TOR1AIP1: variants seen among roughly 807,000 people sequenced by gnomAD.
The protein encoded by TOR1AIP1 is torsin-1A-interacting protein 1.
In TOR1AIP1, 54 loss-of-function variants were observed where a neutral mutation model predicts 63.3. The ratio of observed to expected loss-of-function variants is 0.85; its 90% CI spans 0.69 to 1.07. The LOEUF (loss-of-function observed/expected upper bound fraction) is 1.07, where lower values mean the gene tolerates loss of function less well. Ranked by LOEUF, TOR1AIP1 falls within the 50% of genes least tolerant of loss-of-function variation. The probability of loss-of-function intolerance (pLI) is 0.00; values close to 1 mark genes in which losing one functional copy is unlikely to be tolerated. For missense variants in TOR1AIP1, 736 were observed against 715.0 expected, an observed-to-expected ratio of 1.03 and a Z score of -0.33; for synonymous variants, 294 against 273.5, an observed-to-expected ratio of 1.07 and a Z score of -0.74.
rs1168539389 is a variant in TOR1AIP1 at position 179,884,679 on chromosome 1, G to A, written c.476-13G>A. The A allele has an allele frequency of 1.3e-6, 2 of 1,598,778 alleles. No individual in the cohort carries two copies. The highest frequency in any genetic ancestry group is 1.3e-5 in the African/African-American group (1 of 74,076). On this transcript the variant is annotated splice_polypyrimidine_tract_variant and intron_variant, in intron 1 of 9. Transcript: ENST00000606911. Reference sequence around the variant, plus strand: ...TATTCTGAATTTTAACTCTTGTTATGTCTGTTTTTTAGAGGATGAAGCATC... The same window carrying A: ...TATTCTGAATTTTAACTCTTGTTATATCTGTTTTTTAGAGGATGAAGCATC...
At chr1:179,899,438 A>G (rs570544941) in intron 3 of TOR1AIP1, among the ~76,000 whole-genome samples, 37 of 152,312 alleles carry the variant, frequency 2.4e-4, no homozygotes, top group African/African-American at 6.5e-4. Context: ...GGATACACCA[A>G]TGCTCGAAAG....
rs114100213 is a variant in TOR1AIP1, at chr1:179,913,783, A to G, written c.908-215A>G. Among the ~76,000 whole-genome samples the G allele has an allele frequency of 6.5e-3, 989 of 152,326 alleles. 12 individuals are homozygous for G. Among genetic ancestry groups the G allele is most frequent in the African/African-American group, 0.022 (932 of 41,576 alleles). ...TGTGTGCTTTGTACTAGACCCCACC[A>G]TATGCTGTGAAAAGCTATGAAAGAA... On this transcript the variant is annotated intron_variant, in intron 8 of 9. Coordinates refer to ENST00000606911, the MANE Select transcript of TOR1AIP1 (RefSeq NM_015602.4).
At chr1:179,917,345 C>T (rs1649052456) in intron 9 of TOR1AIP1, 107 bp from the exon 10 acceptor site, 4 of 925,464 alleles carry the variant, frequency 4.3e-6, no homozygotes, top group Non-Finnish European at 1.6e-6. Context: ...AAAGTCCTTC[C>T]TCTTTTACCT....
chr1:179,908,970 C>T (rs1300023979), intron 8 of TOR1AIP1, among the ~76,000 whole-genome samples: 2 of 152,064 alleles, frequency 1.3e-5, no homozygotes, highest in African/African-American at 4.8e-5. Flanking sequence ...TCGAGACCAT[C>T]CTGGCTAACA....
intron 3 of TOR1AIP1, among the ~76,000 whole-genome samples, chr1:179,897,011 G>A (rs1218131107): frequency 6.6e-6 from 1 of 152,116 alleles, no homozygotes; most frequent in East Asian, 1.9e-4. Flanking sequence ...CTAATTCATA[G>A]ATATTATTGG....
At chr1:179,911,215 G>A (rs1483342994) in intron 8 of TOR1AIP1, among the ~76,000 whole-genome samples, 2 of 152,232 alleles carry the variant, frequency 1.3e-5, no homozygotes, top group Admixed American at 6.5e-5. Context: ...TTCAATGGAA[G>A]TGGAAGACTA....
At position 179,907,061 on chromosome 1, in the gene TOR1AIP1, G is replaced by A. The variant is rs1244555101; in HGVS notation, c.797-762G>A. On this transcript the variant is annotated intron_variant, in intron 6 of 9. Coordinates refer to ENST00000606911, the MANE Select transcript of TOR1AIP1 (RefSeq NM_015602.4). Reference sequence around the variant, plus strand: ...TGATTTTCCCTTATTTATAAAATACGAACAGTAATAGCATCTACCACATAA... The same window carrying A: ...TGATTTTCCCTTATTTATAAAATACAAACAGTAATAGCATCTACCACATAA... 2.6e-5 allele frequency among the ~76,000 whole-genome samples: 4 copies of A among 151,490 alleles called. No individual in the cohort carries two copies. In the East Asian group the frequency reaches 7.9e-4, roughly 30 times the overall value.
intron 5 of TOR1AIP1, among the ~76,000 whole-genome samples, chr1:179,902,756 A>G (rs1648507972): frequency 6.6e-6 from 1 of 151,814 alleles, no homozygotes. Flanking sequence ...TGTCATCTGG[A>G]TTGTTGTGGG....
At chr1:179,895,903 AG>A (rs1331472479) in intron 3 of TOR1AIP1, among the ~76,000 whole-genome samples, 1 of 151,892 alleles carries the variant, frequency 6.6e-6, no homozygotes, top group Admixed American at 6.6e-5. Flanking sequence ...TGGGTGACAG[AG>A]TGAGACTCTG....
In TOR1AIP1 at chr1:179,882,436, C is replaced by A. The variant is rs1320173911; in HGVS notation, c.-67C>A. ...CAACACCCCCGAGAAGCCATCGCCA[C>A]CACCGGCAGGAGAACCTAGGGTCCA... On this transcript the variant is annotated 5_prime_UTR_variant, in exon 1 of 10. Coordinates refer to ENST00000606911, the MANE Select transcript of TOR1AIP1 (RefSeq NM_015602.4). 8 of 1,352,180 alleles carry A rather than the reference C, an allele frequency of 5.9e-6. No homozygotes were observed. Among genetic ancestry groups the A allele is most frequent in the African/African-American group, 1.5e-5 (1 of 66,454 alleles). The allele number at this position is 1,352,180 out of a possible 1,614,324, so 83.8% of individuals were successfully genotyped here. A position where few individuals can be genotyped will look rare whatever the true frequency, so the allele number is the denominator to read the frequency against.
rs368563369 is a variant in TOR1AIP1, at chr1:179,917,868, G to T, written c.1381G>T (p.Val461Leu). 6.9e-5 allele frequency: 111 copies of T among 1,614,092 alleles called. No individual in the cohort carries two copies. Among genetic ancestry groups the T allele is most frequent in the Admixed American group, 1.8e-4 (11 of 60,002 alleles). ...TQDSDTVKLE[V>L]DQELSNGFKN... ...AGACAGTGATACTGTCAAACTAGAG[G>T]TAGACCAAGAACTGAGCAATGGATT... Residue 461 changes from valine to leucine, a missense_variant, in exon 10 of 10, where the codon GTA becomes TTA. Physicochemically the swap from Val to Leu is conservative, Grantham distance 32. Coordinates refer to ENST00000606911, the MANE Select transcript of TOR1AIP1 (RefSeq NM_015602.4).
rs187678198 is a variant in TOR1AIP1, at chr1:179,913,845, G to A, written c.908-153G>A. Among the ~76,000 whole-genome samples the A allele has an allele frequency of 1.4e-4, 21 of 152,202 alleles. No individual in the cohort carries two copies. In the East Asian group the frequency reaches 2.9e-3, roughly 21 times the overall value. ...GTTTCAAGGAGCTCTCAGTCTAATC[G>A]GCACTCAGATATTCTACTTTTTCTT... On this transcript the variant is annotated intron_variant, in intron 8 of 9. Coordinates refer to ENST00000606911, the MANE Select transcript of TOR1AIP1 (RefSeq NM_015602.4).
In TOR1AIP1 at chr1:179,907,833, C is replaced by T; in HGVS notation, c.807C>T (p.Phe269=). ...SFWQSSQSQN[F]TAHDKQPSVL... ...TGTTTTCTGTTTCAGGTCAAAACTT[C>T]ACAGCTCATGATAAGCAACCTTCAG... The change falls in exon 7 of 10, where the codon TTC becomes TTT. Residue 269 remains phenylalanine (F), a synonymous_variant. Coordinates refer to ENST00000606911, the MANE Select transcript of TOR1AIP1 (RefSeq NM_015602.4). 2 of 1,585,678 alleles carry T rather than the reference C, an allele frequency of 1.3e-6. No homozygotes were observed. Among genetic ancestry groups the T allele is most frequent in the South Asian group, 1.1e-5 (1 of 87,486 alleles).
intron 3 of TOR1AIP1, among the ~76,000 whole-genome samples, chr1:179,894,831 G>A (rs146762893): frequency 1.1e-3 from 160 of 152,286 alleles, no homozygotes; most frequent in African/African-American, 3.8e-3. Flanking sequence ...TTCTTGAGTG[G>A]CCTTTGCTCC....
chr1:179,912,664 A>G (rs1194592173), intron 8 of TOR1AIP1, among the ~76,000 whole-genome samples: 1 of 152,152 alleles, frequency 6.6e-6, no homozygotes, highest in African/African-American at 2.4e-5. Flanking sequence ...TTTTAGTTGT[A>G]ACTTCGATAA....
chr1:179,905,866 T>A (rs1201767168), intron 6 of TOR1AIP1, among the ~76,000 whole-genome samples: 1 of 151,986 alleles, frequency 6.6e-6, no homozygotes, highest in Non-Finnish European at 1.5e-5. Flanking sequence ...GGCAGGAGAA[T>A]CGCTTGAACC....
At chr1:179,898,438 G>T (rs1485297251) in intron 3 of TOR1AIP1, among the ~76,000 whole-genome samples, 2 of 152,152 alleles carry the variant, frequency 1.3e-5, no homozygotes, top group East Asian at 3.8e-4. Flanking sequence ...TGCATGCTAT[G>T]TGAATAGTTA....
chr1:179,885,311 G>C (rs770928942), intron 2 of TOR1AIP1, among the ~76,000 whole-genome samples: 1 of 152,102 alleles, frequency 6.6e-6, no homozygotes, highest in Admixed American at 6.5e-5. Context: ...CAATTTTTTG[G>C]TAATTTGTAG....
chr1:179,889,390 T>G, intron 3 of TOR1AIP1, 21 bp downstream of exon 3: 1 of 1,589,160 alleles, frequency 6.3e-7, no homozygotes, highest in Non-Finnish European at 8.6e-7. Flanking sequence ...GTTTGTCTGT[T>G]GGTTTACCTT....
Sources: allele counts gnomAD v4.1 joint callset (sites outside exome capture counted in the v4.1 genomes callset), GRCh38; gene constraint gnomAD v4.1.1; transcripts MANE v1.5; gene names NCBI Gene and HGNC (gene_info 2026-07-23, HGNC 2026-07-21).